The following SNCAIP variants were observed in gnomAD, a reference collection of about 807,000 sequenced individuals.
SNCAIP encodes the protein synuclein alpha interacting protein.
In SNCAIP, 43 loss-of-function variants were observed where a neutral mutation model predicts 86.7. The observed-to-expected ratio is 0.50, with a 90% CI of 0.39 to 0.64. The LOEUF (loss-of-function observed/expected upper bound fraction) is 0.64, where lower values mean the gene tolerates loss of function less well. Ranked by LOEUF, SNCAIP falls within the 30% of genes least tolerant of loss-of-function variation. The probability of loss-of-function intolerance (pLI) is 0.00; values close to 1 mark genes in which losing one functional copy is unlikely to be tolerated. For synonymous variants in SNCAIP, 417 were observed against 427.2 expected, an observed-to-expected ratio of 0.98 and a Z score of 0.29; for missense variants, 981 against 1,103.1, an observed-to-expected ratio of 0.89 and a Z score of 1.57.
chr5:122,440,994 C>T (rs1780751906), intron 7 of SNCAIP: 4 of 490,316 alleles, frequency 8.2e-6, no homozygotes, highest in South Asian at 2.1e-5. Context: ...TTTCCTGCTC[C>T]CTTATCACTG....
Position 122,391,073 on chromosome 5 carries a change from C to T in SNCAIP, c.-46-16C>T, listed in dbSNP as rs924736987. Reference sequence around the variant, plus strand: ...TAAATTTTTTTGCCTTTCTTTTCTGCTTCTGTCTCGTTCAGGAATTTATAA... The same window carrying T: ...TAAATTTTTTTGCCTTTCTTTTCTGTTTCTGTCTCGTTCAGGAATTTATAA... On this transcript the variant is annotated splice_polypyrimidine_tract_variant and intron_variant, in intron 1 of 10. Transcript: ENST00000261368. 1.4e-6 allele frequency: 2 copies of T among 1,409,762 alleles called. No homozygotes were observed. The highest frequency in any genetic ancestry group is 2.0e-6 in the Non-Finnish European group (2 of 994,276). The allele number at this position is 1,409,762 out of a possible 1,614,324, so 87.3% of individuals were successfully genotyped here. A position where few individuals can be genotyped will look rare whatever the true frequency, so the allele number is the denominator to read the frequency against.
At chr5:122,349,185 C>A (rs1427005417) in intron 1 of SNCAIP, among the ~76,000 whole-genome samples, 1 of 152,120 alleles carries the variant, frequency 6.6e-6, no homozygotes, top group African/African-American at 2.4e-5. Flanking sequence ...TATTTATTTG[C>A]GTCTTTTCAG....
At chr5:122,404,504 C>CT (rs1212477384) in intron 3 of SNCAIP, among the ~76,000 whole-genome samples, 1 of 152,162 alleles carries the variant, frequency 6.6e-6, no homozygotes, top group Non-Finnish European at 1.5e-5. Context: ...TTAAGCTTCT[C>CT]TTCTTTTCCT....
intron 8 of SNCAIP, among the ~76,000 whole-genome samples, chr5:122,448,661 TTA>T (rs1438314827): frequency 1.8e-5 from 2 of 110,940 alleles, no homozygotes; most frequent in African/African-American, 3.2e-5. Flanking sequence ...TTTATATATA[TTA>T]TATATATTAT....
At chr5:122,385,865 CT>C (rs1262605459) in intron 1 of SNCAIP, among the ~76,000 whole-genome samples, 15 of 152,100 alleles carry the variant, frequency 9.9e-5, no homozygotes, top group African/African-American at 3.6e-4. Flanking sequence ...ATTACCAGGC[CT>C]CATAGTATAC....
intron 2 of SNCAIP, among the ~76,000 whole-genome samples, chr5:122,401,701 G>A (rs1771838618): frequency 1.3e-5 from 2 of 152,168 alleles, no homozygotes; most frequent in Non-Finnish European, 2.9e-5. Context: ...GGGTAGAGAG[G>A]CAAAGTGCCA....
At chr5:122,442,112 C>CTTTTTTTT (rs10688988) in intron 7 of SNCAIP, among the ~76,000 whole-genome samples, 5 of 65,724 alleles carry the variant, frequency 7.6e-5, no homozygotes, top group Non-Finnish European at 8.4e-5. Flanking sequence ...AAGCAGTACT[C>CTTTTTTTT]TTTTTTTTTT....
chr5:122,319,680 C>T (rs555894345), intron 1 of SNCAIP, among the ~76,000 whole-genome samples: 9 of 152,296 alleles, frequency 5.9e-5, no homozygotes, highest in African/African-American at 2.2e-4. Flanking sequence ...ACTCCTTGGA[C>T]TCCAGGTTAA....
chr5:122,403,612 G>C (rs1343783009), intron 2 of SNCAIP, among the ~76,000 whole-genome samples, 181 bp from the exon 3 acceptor site: 2 of 152,122 alleles, frequency 1.3e-5, no homozygotes, highest in Admixed American at 1.3e-4. Flanking sequence ...GATGCTGCAG[G>C]TAGATCTTAG....
chr5:122,364,365 C>T (rs796976931), intron 1 of SNCAIP, among the ~76,000 whole-genome samples: 3 of 152,250 alleles, frequency 2.0e-5, no homozygotes, highest in African/African-American at 7.2e-5. Flanking sequence ...ATGGACTCAC[C>T]CTGAATTCTT....
chr5:122,354,672 A>G (rs940787302), intron 1 of SNCAIP, among the ~76,000 whole-genome samples: 2 of 152,196 alleles, frequency 1.3e-5, no homozygotes, highest in Non-Finnish European at 2.9e-5. Context: ...GTTATATGAT[A>G]TTTTCAATGA....
intron 3 of SNCAIP, among the ~76,000 whole-genome samples, chr5:122,409,106 A>T (rs1176894941): frequency 6.6e-6 from 1 of 152,180 alleles, no homozygotes; most frequent in Non-Finnish European, 1.5e-5. Flanking sequence ...AATGCACCTA[A>T]AAAAGGAAGT....
chr5:122,332,324 G>T (rs1183982922), intron 1 of SNCAIP, among the ~76,000 whole-genome samples: 1 of 152,092 alleles, frequency 6.6e-6, no homozygotes, highest in Non-Finnish European at 1.5e-5. Flanking sequence ...ACACATGGTG[G>T]AGTAAAGGTA....
chr5:122,316,654 G>T (rs997630090), intron 1 of SNCAIP, among the ~76,000 whole-genome samples: 88 of 152,216 alleles, frequency 5.8e-4, no homozygotes, highest in African/African-American at 2.1e-3. Context: ...ATAAAGAAAA[G>T]ACGGTCTGGC....
rs758723445 is a variant in SNCAIP, at chr5:122,423,146, A to G, written c.409A>G (p.Ser137Gly). ...GGPPGKSSEP[S>G]TSLGELEHYD... Reference sequence around the variant, plus strand: ...CCCACCAGGTAAGAGCTCTGAGCCCAGCACATCGCTGGGTGAACTGGAGCA... The same window carrying G: ...CCCACCAGGTAAGAGCTCTGAGCCCGGCACATCGCTGGGTGAACTGGAGCA... Residue 137 changes from serine (S) to glycine (G), a missense_variant, in exon 4 of 11, where the codon AGC becomes GGC. Coordinates refer to ENST00000261368, the MANE Select transcript of SNCAIP (RefSeq NM_005460.4). 56 of 1,614,054 alleles carry G rather than the reference A, an allele frequency of 3.5e-5. No individual in the cohort carries two copies. In the South Asian group the frequency reaches 5.9e-4, roughly 17 times the overall value.
chr5:122,396,328 AG>A (rs1770614561), intron 2 of SNCAIP, among the ~76,000 whole-genome samples: 1 of 152,194 alleles, frequency 6.6e-6, no homozygotes, highest in Non-Finnish European at 1.5e-5. Context: ...ACTAGAATCT[AG>A]GTTCCCAAAC....
chr5:122,451,716 T>C (rs1783727216), intron 10 of SNCAIP, 115 bp downstream of exon 10: 1 of 747,846 alleles, frequency 1.3e-6, no homozygotes, highest in Admixed American at 2.6e-5. Context: ...AAAAAAAAAA[T>C]CCAAAGGGAT....
At chr5:122,394,063 T>C (rs1297903399) in intron 2 of SNCAIP, among the ~76,000 whole-genome samples, 1 of 152,048 alleles carries the variant, frequency 6.6e-6, no homozygotes, top group Non-Finnish European at 1.5e-5. Flanking sequence ...AAAAGAAATG[T>C]AGTTTCCCAT....
chr5:122,423,361 T>A lies in SNCAIP; in HGVS notation c.624T>A (p.Cys208Ter). Residue 208 changes from cysteine (C) to a stop codon, truncating the protein, a stop_gained, in exon 4 of 11, where the codon TGT (cysteine) becomes TGA (stop). Coordinates refer to ENST00000261368, the MANE Select transcript of SNCAIP (RefSeq NM_005460.4). LOFTEE classifies it high-confidence loss of function. ...ESSSSNMAPF[C>*]VLSPVKSPHL... Reference sequence around the variant, plus strand: ...CATCATCCAACATGGCACCATTTTGTGTTCTTTCTCCCGTGAAAAGCCCTC... The same window carrying A: ...CATCATCCAACATGGCACCATTTTGAGTTCTTTCTCCCGTGAAAAGCCCTC... 6.2e-7 allele frequency: 1 copy of A among 1,613,768 alleles called. No homozygotes were observed.
Sources: allele counts gnomAD v4.1 joint callset (sites outside exome capture counted in the v4.1 genomes callset), GRCh38; gene constraint gnomAD v4.1.1; transcripts MANE v1.5; gene names NCBI Gene and HGNC (gene_info 2026-07-23, HGNC 2026-07-21).